Variants in ST6GAL1 observed in about 807,000 individuals in gnomAD.
The protein encoded by ST6GAL1 is beta-galactoside alpha-2,6-sialyltransferase 1.
In ST6GAL1, 20 loss-of-function variants were observed where a neutral mutation model predicts 38.0. The ratio of observed to expected loss-of-function variants is 0.53; its 90% CI spans 0.37 to 0.77. The LOEUF (loss-of-function observed/expected upper bound fraction) is 0.77. ST6GAL1 is among the 30% of genes least tolerant of loss of function. ST6GAL1 has a pLI of 0.00. For synonymous variants in ST6GAL1, 196 were observed against 188.2 expected (o/e 1.04, Z -0.34); for missense variants, 432 against 496.4 (o/e 0.87, Z 1.23).
intron 2 of ST6GAL1, among the ~76,000 whole-genome samples, chr3:187,011,389 C>T (rs1221574329): frequency 6.6e-6 from 1 of 152,236 alleles, no homozygotes; most frequent in East Asian, 1.9e-4. Context: ...GGCTCTACAA[C>T]TTACTAGTTA....
chr3:187,007,391 A>G (rs1035695180), intron 2 of ST6GAL1, among the ~76,000 whole-genome samples: 4 of 152,228 alleles, frequency 2.6e-5, no homozygotes, highest in African/African-American at 9.6e-5. Context: ...TAACTATGAT[A>G]TTAACAACCA....
At chr3:187,028,836 C>T (rs1235958485) in intron 2 of ST6GAL1, among the ~76,000 whole-genome samples, 1 of 152,128 alleles carries the variant, frequency 6.6e-6, no homozygotes, top group Non-Finnish European at 1.5e-5. Context: ...CGCTATTTGA[C>T]TTGTTCTTCT....
At chr3:187,001,379 T>C (rs139942288) in intron 2 of ST6GAL1, among the ~76,000 whole-genome samples, 2 of 152,350 alleles carry the variant, frequency 1.3e-5, no homozygotes, top group Admixed American at 6.5e-5. Context: ...AATGTCTCCC[T>C]GTAATATTGC....
chr3:186,990,801 A>G (rs535276968), intron 2 of ST6GAL1, among the ~76,000 whole-genome samples: 2 of 151,858 alleles, frequency 1.3e-5, no homozygotes, highest in African/African-American at 4.8e-5. Context: ...CAACAAGAGC[A>G]AAACTTCATC....
At chr3:186,972,201 G>A (rs1715373168) in intron 2 of ST6GAL1, among the ~76,000 whole-genome samples, 1 of 152,016 alleles carries the variant, frequency 6.6e-6, no homozygotes, top group Non-Finnish European at 1.5e-5. Flanking sequence ...AGGACACCCA[G>A]GTCTGTCCTC....
At chr3:187,055,713 G>A (rs1255856698) in intron 5 of ST6GAL1, among the ~76,000 whole-genome samples, 1 of 152,150 alleles carries the variant, frequency 6.6e-6, no homozygotes, top group Non-Finnish European at 1.5e-5. Context: ...GCTGAGGAGT[G>A]CTTTACTTCC....
intron 2 of ST6GAL1, among the ~76,000 whole-genome samples, chr3:187,022,235 G>A (rs950168448): frequency 2.0e-5 from 3 of 152,170 alleles, no homozygotes; most frequent in Admixed American, 6.5e-5. Context: ...AGCTGGTGTC[G>A]CTGCTTGGTG....
At chr3:187,023,289 T>C (rs867196981) in intron 2 of ST6GAL1, among the ~76,000 whole-genome samples, 1 of 152,232 alleles carries the variant, frequency 6.6e-6, no homozygotes, top group African/African-American at 2.4e-5. Context: ...CCTACTCTAA[T>C]TGTCTGCATA....
rs1481336525 is a variant in ST6GAL1, at chr3:187,075,522, T to G, written c.980-40T>G. 6.2e-7 allele frequency: 1 copy of G among 1,604,914 alleles called. No homozygotes were observed. The highest frequency in any genetic ancestry group is 8.5e-7 in the Non-Finnish European group (1 of 1,173,448). The stretch of plus-strand genomic sequence containing the variant: ...TGGGCAGAGCTCTGGGGTGCTGGGG[T>G]GGGTTGTCAGGCATGACTCACCTCT... On this transcript the variant is annotated intron_variant, in intron 7 of 7. Transcript: ENST00000169298. The surrounding 1 kb of genome is among the most constrained non-coding windows in gnomAD (Gnocchi z 4.1).
At chr3:187,040,249 G>A (rs964107101) in intron 3 of ST6GAL1, among the ~76,000 whole-genome samples, 20 of 152,166 alleles carry the variant, frequency 1.3e-4, no homozygotes, top group African/African-American at 4.6e-4. Flanking sequence ...TTACCAATAC[G>A]GAAAGTACCT....
intron 1 of ST6GAL1, among the ~76,000 whole-genome samples, chr3:186,942,898 T>C (rs1560136122): frequency 6.6e-6 from 1 of 152,232 alleles, no homozygotes; most frequent in Non-Finnish European, 1.5e-5. Flanking sequence ...AGATGAGGTT[T>C]CGCCGTGTTG....
intron 5 of ST6GAL1, among the ~76,000 whole-genome samples, chr3:187,063,739 G>A (rs185742799): frequency 6.6e-6 from 1 of 152,266 alleles, no homozygotes; most frequent in African/African-American, 2.4e-5. Flanking sequence ...TGTATTTAAG[G>A]CCAAAGTAAG....
intron 2 of ST6GAL1, among the ~76,000 whole-genome samples, chr3:187,003,300 A>G (rs1716681657): frequency 6.6e-6 from 1 of 152,206 alleles, no homozygotes; most frequent in Non-Finnish European, 1.5e-5. Context: ...AACCGATTGG[A>G]TAAGGCCCAC....
chr3:186,999,238 C>T (rs1364657014), intron 2 of ST6GAL1, among the ~76,000 whole-genome samples: 1 of 150,796 alleles, frequency 6.6e-6, no homozygotes, highest in Non-Finnish European at 1.5e-5. Context: ...CACCACTCGC[C>T]TCGTAGAAGG....
chr3:186,944,114 A>G (rs74869084), intron 1 of ST6GAL1, among the ~76,000 whole-genome samples: 27 of 152,360 alleles, frequency 1.8e-4, no homozygotes, highest in Non-Finnish European at 3.2e-4. Flanking sequence ...CCAGCCAATC[A>G]GTAATCCAGA....
chr3:186,943,589 A>G (rs1448263030), intron 1 of ST6GAL1, among the ~76,000 whole-genome samples: 8 of 152,032 alleles, frequency 5.3e-5, no homozygotes, highest in Admixed American at 5.2e-4. Flanking sequence ...AGCTGGGATT[A>G]CAGGTACACA....
intron 5 of ST6GAL1, among the ~76,000 whole-genome samples, chr3:187,063,588 G>T (rs1170785714): frequency 6.6e-6 from 1 of 152,194 alleles, no homozygotes; most frequent in Non-Finnish European, 1.5e-5. Flanking sequence ...CAGCAGCAAA[G>T]AGGAGAGGGG....
chr3:186,999,549 C>T (rs975014158), intron 2 of ST6GAL1, among the ~76,000 whole-genome samples: 1 of 151,900 alleles, frequency 6.6e-6, no homozygotes, highest in African/African-American at 2.4e-5. Context: ...GTAGCTGGGA[C>T]TACAGGAGTG....
At chr3:187,066,757 G>A (rs1277341079) in intron 5 of ST6GAL1, among the ~76,000 whole-genome samples, 1 of 151,994 alleles carries the variant, frequency 6.6e-6, no homozygotes, top group Non-Finnish European at 1.5e-5. Context: ...CCTGGCAGAT[G>A]TTCCCCAGGG....
Sources: allele counts gnomAD v4.1 joint callset (sites outside exome capture counted in the v4.1 genomes callset), GRCh38; gene constraint gnomAD v4.1.1; non-coding constraint Gnocchi (gnomAD v3.1); transcripts MANE v1.5; gene names NCBI Gene and HGNC (gene_info 2026-07-23, HGNC 2026-07-21).